Variants in MYPOP observed in about 807,000 individuals in gnomAD.
MYPOP encodes Myb related transcription factor, partner of profilin.
Under a neutral mutation model 25.7 loss-of-function variants are expected in MYPOP, and 21 were observed. The observed-to-expected ratio is 0.82, with a 90% CI of 0.58 to 1.18. The LOEUF (loss-of-function observed/expected upper bound fraction) is 1.18. MYPOP is among the 50% of genes most tolerant of loss of function. The probability of loss-of-function intolerance (pLI) is 0.00; values close to 1 mark genes in which losing one functional copy is unlikely to be tolerated. For synonymous variants in MYPOP, 280 were observed against 247.9 expected (o/e 1.13, Z -1.22); for missense variants, 566 against 588.3 (o/e 0.96, Z 0.39).
chr19:45,901,930 TGGGGGCG>T lies in MYPOP; in HGVS notation c.-52-112_-52-106del. On this transcript the variant is annotated intron_variant, in intron 1 of 2. Coordinates refer to ENST00000322217, the MANE Select transcript of MYPOP (RefSeq NM_001012643.4). The surrounding 1 kb of genome is among the most constrained non-coding windows in gnomAD (Gnocchi z 5.7). ...GCTCCTTAGTCCCCGGGGGCAGGAG[TGGGGGCG>T]GGGGGCGGGCGGGGGCGACGGGCAC... The T allele has an allele frequency of 2.0e-6, 1 of 501,198 alleles. No individual in the cohort carries two copies. The highest frequency in any genetic ancestry group is 3.0e-6 in the Non-Finnish European group (1 of 337,490). The allele number at this position is 501,198 out of a possible 1,614,324, so 31.0% of individuals were successfully genotyped here.
chr19:45,901,884 T>C lies in MYPOP; in HGVS notation c.-52-59A>G. 3.4e-6 allele frequency: 3 copies of C among 892,784 alleles called. No homozygotes were observed. The highest frequency in any genetic ancestry group is 2.9e-6 in the Non-Finnish European group (2 of 683,154). The allele number at this position is 892,784 out of a possible 1,614,324, so 55.3% of individuals were successfully genotyped here. ...TTCGGGGTCCCCCCGCCGCCGCCTC[T>C]CCCAGACCGCCGGGCCGAGAGCTCC... On this transcript the variant is annotated intron_variant, in intron 1 of 2. Transcript: ENST00000322217. The surrounding 1 kb of genome is among the most constrained non-coding windows in gnomAD (Gnocchi z 5.7).
chr19:45,892,683 T>G (rs1967143001), intron 2 of MYPOP, among the ~76,000 whole-genome samples: 1 of 152,088 alleles, frequency 6.6e-6, no homozygotes, highest in Admixed American at 6.6e-5. Flanking sequence ...CTTCACTGTT[T>G]TGTTTACTAA....
chr19:45,891,029 G>T lies in MYPOP; in HGVS notation c.794C>A (p.Ala265Asp). The T allele has an allele frequency of 6.8e-7, 1 of 1,468,772 alleles. No homozygotes were observed. 91.0% of individuals were successfully genotyped at this position (1,468,772 alleles called of 1,614,324 possible). A position where few individuals can be genotyped will look rare whatever the true frequency, so the allele number is the denominator to read the frequency against. Residue 265 changes from alanine (A) to aspartate (D), a missense_variant, in exon 3 of 3, where the codon GCC becomes GAC. By Grantham distance (126) the Ala-to-Asp change is moderately radical. Coordinates refer to ENST00000322217, the MANE Select transcript of MYPOP (RefSeq NM_001012643.4). Reference protein sequence around the residue: ...ASDPSLDFLRAQQETANAIRE... With the variant: ...ASDPSLDFLRDQQETANAIRE... ...GATGGCGTTGGCAGTCTCCTGCTGG[G>T]CCCGCAGGAAGTCCAGGGAGGGGTC...
chr19:45,901,316 C>G lies in MYPOP; in HGVS notation c.458G>C (p.Arg153Pro), dbSNP rs1340456294. The G allele has an allele frequency of 6.8e-7, 1 of 1,460,988 alleles. No individual in the cohort carries two copies. The highest frequency in any genetic ancestry group is 1.5e-5 in the African/African-American group (1 of 68,564). 90.5% of individuals were successfully genotyped at this position (1,460,988 alleles called of 1,614,324 possible). ...QPPPPSACPQRYVLSEDRRED... is the reference protein window; with the variant it reads ...QPPPPSACPQPYVLSEDRRED... ...CCGGCGGTCTTCCGACAACACGTAG[C>G]GCTGAGGGCAGGCGCTTGGGGGCGG... Residue 153 changes from arginine (R) to proline (P), a missense_variant, in exon 2 of 3, where the codon CGC becomes CCC. Transcript: ENST00000322217. The surrounding 1 kb of genome is among the most constrained non-coding windows in gnomAD (Gnocchi z 5.7).
intron 2 of MYPOP, among the ~76,000 whole-genome samples, chr19:45,897,619 G>A (rs947851977): frequency 9.9e-5 from 15 of 151,968 alleles, no homozygotes; most frequent in African/African-American, 3.4e-4. Context: ...GTAGTGGTGC[G>A]ATCATGGCTC....
Position 45,901,835 on chromosome 19 carries a change from A to G in MYPOP, c.-52-10T>C, listed in dbSNP as rs1967301933. ...ATGGGGGGCGCCGGCGCTGCGGGCA[A>G]AGGGCGCACGGGGCTGGCTGGGGTT... On this transcript the variant is annotated splice_polypyrimidine_tract_variant and intron_variant, in intron 1 of 2. Transcript: ENST00000322217. This position sits in a 1 kb window ranked among gnomAD's most constrained non-coding sequence, Gnocchi z 5.7. 1.8e-5 allele frequency: 24 copies of G among 1,300,786 alleles called. No homozygotes were observed. Among genetic ancestry groups the G allele is most frequent in the Non-Finnish European group, 2.3e-5 (23 of 1,016,172 alleles). 80.6% of individuals were successfully genotyped at this position (1,300,786 alleles called of 1,614,324 possible). A position where few individuals can be genotyped will look rare whatever the true frequency, so the allele number is the denominator to read the frequency against.
chr19:45,890,453 A>T lies in MYPOP; in HGVS notation c.*170T>A. On this transcript the variant is annotated 3_prime_UTR_variant, in exon 3 of 3. Transcript: ENST00000322217. ...CCAGAGAAAGGGGTTGGGGGGGCCCATTACTGAGGCCCCCCCCAGAGAATC... is the reference window on the plus strand; with the variant it reads ...CCAGAGAAAGGGGTTGGGGGGGCCCTTTACTGAGGCCCCCCCCAGAGAATC... 1 of 1,117,028 alleles carries T rather than the reference A, an allele frequency of 9.0e-7. No homozygotes were observed. Among genetic ancestry groups the T allele is most frequent in the South Asian group, 1.7e-5 (1 of 57,954 alleles). 69.2% of individuals were successfully genotyped at this position (1,117,028 alleles called of 1,614,324 possible). A position where few individuals can be genotyped will look rare whatever the true frequency, so the allele number is the denominator to read the frequency against.
chr19:45,901,842 C>A lies in MYPOP; in HGVS notation c.-52-17G>T. On this transcript the variant is annotated splice_polypyrimidine_tract_variant and intron_variant, in intron 1 of 2. Coordinates refer to ENST00000322217, the MANE Select transcript of MYPOP (RefSeq NM_001012643.4). The surrounding 1 kb of genome is among the most constrained non-coding windows in gnomAD (Gnocchi z 5.7). ...GCGCCGGCGCTGCGGGCAAAGGGCG[C>A]ACGGGGCTGGCTGGGGTTCGGGGTC... The A allele has an allele frequency of 7.9e-7, 1 of 1,270,180 alleles. No homozygotes were observed. The highest frequency in any genetic ancestry group is 1.0e-6 in the Non-Finnish European group (1 of 992,946). The allele number at this position is 1,270,180 out of a possible 1,614,324, so 78.7% of individuals were successfully genotyped here. A position where few individuals can be genotyped will look rare whatever the true frequency, so the allele number is the denominator to read the frequency against.
rs1171312888 is a variant in MYPOP, at chr19:45,890,989, G to C, written c.834C>G (p.Gly278=). 6.6e-7 allele frequency: 1 copy of C among 1,518,710 alleles called. No individual in the cohort carries two copies. The highest frequency in any genetic ancestry group is 2.4e-5 in the East Asian group (1 of 41,374). 94.1% of individuals were successfully genotyped at this position (1,518,710 alleles called of 1,614,324 possible). A position where few individuals can be genotyped will look rare whatever the true frequency, so the allele number is the denominator to read the frequency against. ...ETANAIRELA[G]TLRQGLAKLS... is the part of the protein sequence containing the mutation. ...GTTTGGCCAGTCCCTGTCGAAGGGT[G>C]CCGGCCAGCTCCCGGATGGCGTTGG... is the stretch of plus-strand genomic sequence containing the variant. Residue 278 remains glycine (G), a synonymous_variant, in exon 3 of 3, where the codon GGC becomes GGG. Transcript: ENST00000322217.
At chr19:45,892,769 C>G (rs1017509379) in intron 2 of MYPOP, among the ~76,000 whole-genome samples, 1 of 152,216 alleles carries the variant, frequency 6.6e-6, no homozygotes, top group Non-Finnish European at 1.5e-5. Context: ...CCTGGTCCCC[C>G]ACCCTGGCCC....
intron 2 of MYPOP, among the ~76,000 whole-genome samples, chr19:45,896,400 G>A (rs1967204904): frequency 6.6e-6 from 1 of 152,196 alleles, no homozygotes; most frequent in South Asian, 2.1e-4. Context: ...AGACAGATGA[G>A]TAGAGCGGAC....
intron 2 of MYPOP, among the ~76,000 whole-genome samples, chr19:45,894,578 T>A (rs904769475): frequency 6.6e-6 from 1 of 151,908 alleles, no homozygotes; most frequent in African/African-American, 2.4e-5. Context: ...CACACCAGGA[T>A]AATTTTATTT....
In MYPOP at chr19:45,891,136, G is replaced by A. The variant is rs1474776789; in HGVS notation, c.687C>T (p.Pro229=). 3 of 1,489,880 alleles carry A rather than the reference G, an allele frequency of 2.0e-6. No homozygotes were observed. The highest frequency in any genetic ancestry group is 4.1e-5 in the Admixed American group (2 of 48,242). The allele number at this position is 1,489,880 out of a possible 1,614,324, so 92.3% of individuals were successfully genotyped here. A position where few individuals can be genotyped will look rare whatever the true frequency, so the allele number is the denominator to read the frequency against. The change falls in exon 3 of 3, where the codon CCC becomes CCT. Residue 229 remains proline, a synonymous_variant. Transcript: ENST00000322217. ...GTGCCACTTGGGCCAGTGGCGGTGG[G>A]GGTGGCAGTGGAGGGGCTGGGGGTG... The part of the protein sequence containing the change: ...SPPPPAPPLP[P]PPPLAQVAPS...
chr19:45,896,622 T>C (rs1190537663), intron 2 of MYPOP, among the ~76,000 whole-genome samples: 1 of 150,834 alleles, frequency 6.6e-6, no homozygotes, highest in African/African-American at 2.4e-5. Flanking sequence ...TCCATTCTTT[T>C]TTTTTTTTTT....
rs763439175 is a variant in MYPOP at position 45,901,735 on chromosome 19, G to C, written c.39C>G (p.Thr13=). 6.5e-7 allele frequency: 1 copy of C among 1,542,068 alleles called. No homozygotes were observed. The highest frequency in any genetic ancestry group is 8.7e-7 in the Non-Finnish European group (1 of 1,147,782). Residue 13 remains threonine, a synonymous_variant, in exon 2 of 3, where the codon ACC becomes ACG. Transcript: ENST00000322217. The surrounding 1 kb of genome is among the most constrained non-coding windows in gnomAD (Gnocchi z 5.7). ...ATGAGAAGCGCGGCTTGCGCAACCGGGTGGTTTCCTCCGCTTCGCCCGCCG... is the reference window on the plus strand; with the variant it reads ...ATGAGAAGCGCGGCTTGCGCAACCGCGTGGTTTCCTCCGCTTCGCCCGCCG... ...SAAAGEAEET[T]RLRKPRFSFE... is the part of the protein sequence containing the mutation.
At chr19:45,897,066 G>GC (rs1967216499) in intron 2 of MYPOP, among the ~76,000 whole-genome samples, 1 of 143,926 alleles carries the variant, frequency 6.9e-6, no homozygotes, top group African/African-American at 2.7e-5. Flanking sequence ...AGAGTCCATG[G>GC]CCTTTTTTTT....
chr19:45,899,338 A>G (rs1351142828), intron 2 of MYPOP, among the ~76,000 whole-genome samples: 1 of 152,228 alleles, frequency 6.6e-6, no homozygotes, highest in Non-Finnish European at 1.5e-5. Flanking sequence ...TCTGCCTTGG[A>G]TGAGGTTCTC....
chr19:45,901,462 G>T lies in MYPOP; in HGVS notation c.312C>A (p.Ala104=). 1.3e-6 allele frequency: 2 copies of T among 1,599,168 alleles called. No homozygotes were observed. Among genetic ancestry groups the T allele is most frequent in the South Asian group, 1.1e-5 (1 of 89,756 alleles). ...CTTCCGCGGAGAAAGCGTCCTCCGC[G>T]GCGGGCCCGGCGCCCTGCGTGGAGT... ...VPHSTQGAGP[A]AEDAFSAEEE... is the part of the protein sequence containing the mutation. Residue 104 remains alanine (A), a synonymous_variant, in exon 2 of 3, where the codon GCC becomes GCA. Coordinates refer to ENST00000322217, the MANE Select transcript of MYPOP (RefSeq NM_001012643.4). This position sits in a 1 kb window ranked among gnomAD's most constrained non-coding sequence, Gnocchi z 5.7.
At position 45,901,626 on chromosome 19, in the gene MYPOP, C is replaced by CCA. The variant is rs776528955; in HGVS notation, c.146_147dup (p.Ala50TrpfsTer239). On this transcript the variant is annotated frameshift_variant, in exon 2 of 3. Transcript: ENST00000322217. LOFTEE classifies it high-confidence loss of function. This position sits in a 1 kb window ranked among gnomAD's most constrained non-coding sequence, Gnocchi z 5.7. ...CCGTCCCACACGCGCCGCCGCTCTGCCACGCTCACCCGACGGCTCTGCGCG... is the reference window on the plus strand; with the variant it reads ...CCGTCCCACACGCGCCGCCGCTCTGCCACACGCTCACCCGACGGCTCTGCGCG... 1 of 1,610,412 alleles carries CCA rather than the reference C, an allele frequency of 6.2e-7. No homozygotes were observed. Among genetic ancestry groups the CCA allele is most frequent in the Admixed American group, 1.7e-5 (1 of 59,860 alleles).
Sources: gnomAD v4.1 joint callset for allele counts (sites outside exome capture counted in the v4.1 genomes callset) on GRCh38, gnomAD v4.1.1 for gene constraint, Gnocchi (gnomAD v3.1) non-coding constraint, MANE v1.5 for transcripts, NCBI Gene and HGNC (gene_info 2026-07-23, HGNC 2026-07-21) for gene names.